The following TRPM3 variants were observed in gnomAD, a reference collection of about 807,000 sequenced individuals.
TRPM3 encodes long transient receptor potential channel 3.
TRPM3 carries 77 observed loss-of-function variants against 181.2 expected under a neutral mutation model. That is an observed-to-expected ratio of 0.42 (90% CI 0.35 to 0.51). The LOEUF (loss-of-function observed/expected upper bound fraction) is 0.51, where lower values mean the gene tolerates loss of function less well. TRPM3 is among the 20% of genes least tolerant of loss of function. TRPM3 has a pLI of 0.01. For missense variants in TRPM3, 1,759 were observed against 2,196.7 expected (o/e 0.80, Z 3.98); for synonymous variants, 745 against 796.4 (o/e 0.94, Z 1.09).
At chr9:71,183,936 G>A (rs1462234036) in intron 1 of TRPM3, among the ~76,000 whole-genome samples, 2 of 151,990 alleles carry the variant, frequency 1.3e-5, no homozygotes, top group Non-Finnish European at 2.9e-5. Context: ...TACTATACAA[G>A]GTATAAAAAA....
intron 22 of TRPM3, among the ~76,000 whole-genome samples, chr9:70,562,896 A>G (rs922565761): frequency 1.3e-5 from 2 of 152,162 alleles, no homozygotes; most frequent in Non-Finnish European, 2.9e-5. Context: ...CATGATTAGG[A>G]GATCGATTGC....
intron 1 of TRPM3, among the ~76,000 whole-genome samples, chr9:70,872,599 C>G (rs1198361329): frequency 2.0e-5 from 3 of 151,916 alleles, no homozygotes; most frequent in South Asian, 2.1e-4. Context: ...CCTCACATTA[C>G]CTGCCATTGT....
rs760350256 is a variant in TRPM3, at chr9:71,031,365, G to A, written c.177+89813C>T. ...TTAGCCTCATTTGAGTTTGAATATC[G>A]GTTCTACCTCATAATTCTCACTAAA... On this transcript the variant is annotated intron_variant, in intron 1 of 25. Coordinates refer to ENST00000677713, the MANE Select transcript of TRPM3 (RefSeq NM_001366145.2). Among the ~76,000 whole-genome samples, 8 of 152,032 alleles carry A rather than the reference G, an allele frequency of 5.3e-5. No homozygotes were observed. The East Asian group carries it at 9.6e-4, about 18-fold the overall frequency.
intron 1 of TRPM3, among the ~76,000 whole-genome samples, chr9:71,064,825 G>A: frequency 6.6e-6 from 1 of 152,066 alleles, no homozygotes; most frequent in South Asian, 2.1e-4. Flanking sequence ...TTGTAATAAA[G>A]TAATTTTTAC....
chr9:70,789,070 G>GT (rs1015095646), intron 6 of TRPM3, among the ~76,000 whole-genome samples: 65 of 150,734 alleles, frequency 4.3e-4, no homozygotes, highest in South Asian at 3.1e-3. Context: ...TTTCTTTCTT[G>GT]TTTTTTTTTC....
intron 22 of TRPM3, among the ~76,000 whole-genome samples, chr9:70,562,498 A>G (rs1220261121): frequency 2.6e-5 from 4 of 152,118 alleles, no homozygotes; most frequent in Admixed American, 6.5e-5. Context: ...TCTATCTGCT[A>G]TGTGCACACA....
chr9:70,950,820 A>G (rs2096990128), intron 1 of TRPM3, among the ~76,000 whole-genome samples: 1 of 152,082 alleles, frequency 6.6e-6, no homozygotes, highest in Non-Finnish European at 1.5e-5. Context: ...TTGTTTTTCA[A>G]TTATTTAGGT....
chr9:71,378,513 A>G (rs747197723), intron 1 of TRPM3, among the ~76,000 whole-genome samples: 22 of 152,112 alleles, frequency 1.4e-4, no homozygotes, highest in Non-Finnish European at 2.4e-4. Flanking sequence ...TTCTGACAAC[A>G]TGAAAGTGCT....
intron 1 of TRPM3, among the ~76,000 whole-genome samples, chr9:71,342,916 C>T (rs539991152): frequency 1.3e-5 from 2 of 152,100 alleles, no homozygotes; most frequent in South Asian, 4.1e-4. Flanking sequence ...CAAGCTACAA[C>T]AAAAATGAAG....
At chr9:70,771,808 C>A (rs1304437944) in intron 7 of TRPM3, among the ~76,000 whole-genome samples, 3 of 152,138 alleles carry the variant, frequency 2.0e-5, no homozygotes, top group Admixed American at 6.6e-5. Context: ...CTTGATCTCC[C>A]TTACTCTGCT....
chr9:70,794,420 G>A (rs7048454), intron 6 of TRPM3, among the ~76,000 whole-genome samples: 124,978 of 152,136 alleles, frequency 0.82, 52,437 homozygotes, highest in Non-Finnish European at 0.91. Flanking sequence ...CTACATTCCA[G>A]TGAGGCTTGG....
At chr9:70,909,281 T>C (rs1319198824) in intron 1 of TRPM3, among the ~76,000 whole-genome samples, 1 of 152,214 alleles carries the variant, frequency 6.6e-6, no homozygotes, top group African/African-American at 2.4e-5. Context: ...CTAGCTCTTA[T>C]CTGTCATTGT....
At chr9:71,440,836 A>C (rs910297943) in intron 1 of TRPM3, among the ~76,000 whole-genome samples, 1 of 152,220 alleles carries the variant, frequency 6.6e-6, no homozygotes, top group Non-Finnish European at 1.5e-5. Context: ...AAGAAATAAA[A>C]AGTAAAAGCA....
intron 1 of TRPM3, among the ~76,000 whole-genome samples, chr9:71,112,566 A>G (rs1055171899): frequency 1.3e-5 from 2 of 152,182 alleles, no homozygotes; most frequent in Admixed American, 6.5e-5. Flanking sequence ...ACTTCAGAAC[A>G]CTAATCAAAA....
intron 1 of TRPM3, among the ~76,000 whole-genome samples, chr9:71,312,935 C>T (rs1010317293): frequency 2.6e-5 from 4 of 152,000 alleles, no homozygotes; most frequent in African/African-American, 9.7e-5. Flanking sequence ...ATTTTTTGGG[C>T]AGTGAAATTG....
chr9:70,630,922 C>T (rs2065721874), intron 12 of TRPM3, among the ~76,000 whole-genome samples: 2 of 151,176 alleles, frequency 1.3e-5, no homozygotes, highest in Admixed American at 1.3e-4. Context: ...ATTAGATCTG[C>T]TCTTCAAAAT....
In TRPM3 at chr9:71,352,456, G is replaced by A. The variant is rs996660798; in HGVS notation, c.183+94197C>T. Among the ~76,000 whole-genome samples the A allele has an allele frequency of 1.4e-4, 22 of 152,012 alleles. No homozygotes were observed. In the East Asian group the frequency reaches 1.5e-3, roughly 11 times the overall value. ...TTGAAAATGATGATTCTCTGTTTAT[G>A]TTCTTTTAGAGTTACTTACTGAAAA... On this transcript the variant is annotated intron_variant, in intron 1 of 24. Transcript: ENST00000357533.
At chr9:70,965,455 A>G (rs918265364) in intron 1 of TRPM3, among the ~76,000 whole-genome samples, 2 of 152,106 alleles carry the variant, frequency 1.3e-5, no homozygotes, top group Non-Finnish European at 2.9e-5. Context: ...ATCAAGTGAC[A>G]CAGAGAAAAG....
intron 4 of TRPM3, among the ~76,000 whole-genome samples, chr9:70,844,531 C>A (rs2094867628): frequency 6.6e-6 from 1 of 152,180 alleles, no homozygotes; most frequent in East Asian, 1.9e-4. Context: ...TAAGTTGTTT[C>A]CAATTGTTTC....
Sources: allele counts gnomAD v4.1 joint callset (sites outside exome capture counted in the v4.1 genomes callset), GRCh38; gene constraint gnomAD v4.1.1; transcripts MANE v1.5; gene names NCBI Gene and HGNC (gene_info 2026-07-23, HGNC 2026-07-21).